The following WWC1 variants were observed in gnomAD, a reference collection of about 807,000 sequenced individuals.
The protein encoded by WWC1 is WW and C2 domain containing 1, also known as protein KIBRA.
Under a neutral mutation model 138.4 loss-of-function variants are expected in WWC1, and 55 were observed. The ratio of observed to expected loss-of-function variants is 0.40; its 90% CI spans 0.32 to 0.50. The LOEUF (loss-of-function observed/expected upper bound fraction) is 0.50, where lower values mean the gene tolerates loss of function less well. Ranked by LOEUF, WWC1 falls within the 20% of genes least tolerant of loss-of-function variation. The pLI, the probability that WWC1 is intolerant of heterozygous loss-of-function variation, is 0.72. For synonymous variants in WWC1, 524 were observed against 564.9 expected (o/e 0.93, Z 1.03); for missense variants, 1,226 against 1,420.4 (o/e 0.86, Z 2.20).
intron 1 of WWC1, among the ~76,000 whole-genome samples, chr5:168,297,626 C>CAAA (rs70976474): frequency 3.1e-4 from 17 of 54,650 alleles, no homozygotes; most frequent in Non-Finnish European, 5.2e-4. Context: ...AACTCCATCT[C>CAAA]AAAAAAAAAA....
intron 2 of WWC1, among the ~76,000 whole-genome samples, chr5:168,374,928 A>G (rs924001150): frequency 6.6e-6 from 1 of 152,206 alleles, no homozygotes; most frequent in Admixed American, 6.5e-5. Context: ...AAGAAAAAGG[A>G]AAGAATAACT....
intron 1 of WWC1, among the ~76,000 whole-genome samples, chr5:168,357,953 G>A (rs1352134503): frequency 6.6e-6 from 1 of 152,158 alleles, no homozygotes; most frequent in East Asian, 1.9e-4. Context: ...AATAGCAGTC[G>A]AGTTGCAGAC....
At chr5:168,404,809 C>T (rs1779656064) in intron 5 of WWC1, among the ~76,000 whole-genome samples, 1 of 151,982 alleles carries the variant, frequency 6.6e-6, no homozygotes, top group Non-Finnish European at 1.5e-5. Context: ...CTTTTTGACA[C>T]CTCGGCCCTC....
intron 3 of WWC1, among the ~76,000 whole-genome samples, chr5:168,389,338 T>G (rs966092264): frequency 6.6e-6 from 1 of 151,126 alleles, no homozygotes; most frequent in Non-Finnish European, 1.5e-5. Flanking sequence ...TCCCAGCTAC[T>G]CGGGAGGCTG....
intron 1 of WWC1, among the ~76,000 whole-genome samples, chr5:168,359,616 A>G (rs1775734906): frequency 6.6e-6 from 1 of 152,186 alleles, no homozygotes; most frequent in African/African-American, 2.4e-5. Context: ...ACTATGTCCC[A>G]ATGTTTTTAT....
chr5:168,306,744 GCACCACCA>G (rs1770595064), intron 1 of WWC1, among the ~76,000 whole-genome samples: 2 of 152,102 alleles, frequency 1.3e-5, no homozygotes, highest in South Asian at 4.1e-4. Context: ...TTATAGGCAT[GCACCACCA>G]CACCCAGCTA....
intron 1 of WWC1, among the ~76,000 whole-genome samples, chr5:168,317,724 G>A (rs1472052577): frequency 3.3e-5 from 5 of 152,128 alleles, no homozygotes; most frequent in Non-Finnish European, 7.4e-5. Flanking sequence ...AGATTAAAAG[G>A]CTGGATTATG....
chr5:168,388,516 A>G (rs530546455), intron 3 of WWC1, among the ~76,000 whole-genome samples: 3 of 152,236 alleles, frequency 2.0e-5, no homozygotes, highest in East Asian at 3.9e-4. Flanking sequence ...GGTCCAAGAA[A>G]AAAAGGAAAG....
At chr5:168,398,338 C>T (rs980309581) in intron 4 of WWC1, among the ~76,000 whole-genome samples, 3 of 152,102 alleles carry the variant, frequency 2.0e-5, no homozygotes, top group African/African-American at 4.8e-5. Context: ...CTCCTGACCT[C>T]GTGATCCACC....
chr5:168,431,222 A>C, intron 14 of WWC1, 30 bp from the exon 15 acceptor site: 9 of 1,585,982 alleles, frequency 5.7e-6, no homozygotes, highest in Non-Finnish European at 7.7e-6. Flanking sequence ...GGGCTGACCC[A>C]AGATTTCCTG....
In WWC1 at chr5:168,295,514, G is replaced by A. The variant is rs1769463653; in HGVS notation, c.119+3243G>A. On this transcript the variant is annotated intron_variant, in intron 1 of 22. Coordinates refer to ENST00000265293, the MANE Select transcript of WWC1 (RefSeq NM_015238.3). ...TGTGTGTGTGTGTGTGTGTGTGTGTGTGTGTTTATTTGCCTTGGATTTTTC... is the reference window on the plus strand; with the variant it reads ...TGTGTGTGTGTGTGTGTGTGTGTGTATGTGTTTATTTGCCTTGGATTTTTC... 2.0e-5 allele frequency among the ~76,000 whole-genome samples: 3 copies of A among 151,782 alleles called. No homozygotes were observed. The South Asian group carries it at 6.2e-4, about 32-fold the overall frequency.
intron 17 of WWC1, among the ~76,000 whole-genome samples, chr5:168,444,796 T>C (rs1177387246): frequency 6.6e-6 from 1 of 151,552 alleles, no homozygotes; most frequent in Non-Finnish European, 1.5e-5. Flanking sequence ...TCGTTTCCCA[T>C]GAATCACCTA....
At chr5:168,457,262 A>G (rs1756421275) in intron 19 of WWC1, among the ~76,000 whole-genome samples, 1 of 151,312 alleles carries the variant, frequency 6.6e-6, no homozygotes. Flanking sequence ...TACAAGATGT[A>G]GCCAAGAGTA....
At chr5:168,310,519 TACAA>T (rs1359604839) in intron 1 of WWC1, among the ~76,000 whole-genome samples, 3 of 151,926 alleles carry the variant, frequency 2.0e-5, no homozygotes, top group African/African-American at 4.8e-5. Flanking sequence ...AATATTTATG[TACAA>T]ACAAACACCA....
intron 11 of WWC1, 26 bp from the exon 12 acceptor site, chr5:168,428,007 C>A (rs1373838629): frequency 3.1e-6 from 5 of 1,601,666 alleles, no homozygotes; most frequent in Non-Finnish European, 3.4e-6. Context: ...GGTTCCTGAA[C>A]CTGCCTTTCC....
At chr5:168,447,089 C>G (rs866901675) in intron 17 of WWC1, among the ~76,000 whole-genome samples, 1 of 152,190 alleles carries the variant, frequency 6.6e-6, no homozygotes, top group East Asian at 1.9e-4. Context: ...CTGAATATCA[C>G]AGCTGTAAAC....
At chr5:168,384,805 C>T (rs1777918414) in intron 2 of WWC1, among the ~76,000 whole-genome samples, 1 of 151,754 alleles carries the variant, frequency 6.6e-6, no homozygotes, top group African/African-American at 2.4e-5. Flanking sequence ...GCAACCTCCC[C>T]CTCCTGGGTT....
intron 5 of WWC1, among the ~76,000 whole-genome samples, chr5:168,400,550 T>A (rs1779231129): frequency 6.6e-6 from 1 of 152,238 alleles, no homozygotes; most frequent in Admixed American, 6.5e-5. Flanking sequence ...CATGCAGGTG[T>A]GTTCCTTTGA....
At chr5:168,423,379 A>G (rs1341205562) in intron 10 of WWC1, among the ~76,000 whole-genome samples, 154 bp from the exon 11 acceptor site, 1 of 152,082 alleles carries the variant, frequency 6.6e-6, no homozygotes, top group Non-Finnish European at 1.5e-5. Flanking sequence ...TTCTTGGGGT[A>G]TCAGTTTTCC....
Sources: gnomAD v4.1 joint callset for allele counts (sites outside exome capture counted in the v4.1 genomes callset) on GRCh38, gnomAD v4.1.1 for gene constraint, MANE v1.5 for transcripts, NCBI Gene and HGNC (gene_info 2026-07-23, HGNC 2026-07-21) for gene names.